Variants in SAMD5 observed in about 807,000 individuals in gnomAD.
The protein encoded by SAMD5 is sterile alpha motif domain-containing protein 5.
SAMD5 carries 13 observed loss-of-function variants against 11.3 expected under a neutral mutation model. The observed-to-expected ratio is 1.15, with a 90% CI of 0.75 to 1.83. SAMD5 has a LOEUF of 1.83. Among genes scored for constraint, SAMD5 ranks in the 40% most tolerant of loss-of-function variants. The probability of loss-of-function intolerance (pLI) is 0.00; values close to 1 mark genes in which losing one functional copy is unlikely to be tolerated. For synonymous variants in SAMD5, 129 were observed against 111.3 expected (o/e 1.16, Z -1.00); for missense variants, 255 against 239.1 (o/e 1.07, Z -0.44).
At chr6:147,622,359 C>A (rs1200517698) in intron 1 of SAMD5, among the ~76,000 whole-genome samples, 13 of 152,028 alleles carry the variant, frequency 8.6e-5, no homozygotes, top group Non-Finnish European at 2.9e-5. Flanking sequence ...TTTTATTTTT[C>A]TATTGTGGTT....
intron 1 of SAMD5, among the ~76,000 whole-genome samples, chr6:147,648,987 C>T (rs1056532702): frequency 6.6e-6 from 1 of 152,154 alleles, no homozygotes; most frequent in Non-Finnish European, 1.5e-5. Context: ...AAGAATTAAT[C>T]GTGGAAGTGC....
chr6:147,635,176 C>G (rs1422625826), intron 1 of SAMD5, among the ~76,000 whole-genome samples: 1 of 152,136 alleles, frequency 6.6e-6, no homozygotes, highest in Non-Finnish European at 1.5e-5. Flanking sequence ...TAGTTCATAA[C>G]TGAGACTTTC....
At chr6:147,717,365 C>T (rs146729454) in intron 1 of SAMD5, among the ~76,000 whole-genome samples, 24 of 152,300 alleles carry the variant, frequency 1.6e-4, no homozygotes, top group Middle Eastern at 3.4e-3. Flanking sequence ...TTGGACAGTT[C>T]TGATTTTTCA....
chr6:147,896,700 T>G, the SAMD5 span, among the ~76,000 whole-genome samples: 4 of 144,886 alleles, frequency 2.8e-5, no homozygotes, highest in Admixed American at 1.4e-4. Flanking sequence ...GGGAGTTTTT[T>G]TAAAAAAATT....
chr6:147,922,169 C>A, the SAMD5 span, among the ~76,000 whole-genome samples: 1 of 152,242 alleles, frequency 6.6e-6, no homozygotes, highest in African/African-American at 2.4e-5. Context: ...GTGTCTCTGT[C>A]ATGGCACTCG....
At chr6:147,745,351 G>A in the SAMD5 span, among the ~76,000 whole-genome samples, 2 of 151,930 alleles carry the variant, frequency 1.3e-5, no homozygotes, top group South Asian at 4.1e-4. Context: ...AAAATTTAAT[G>A]GAAAAAAATG....
chr6:147,904,003 C>A, the SAMD5 span, among the ~76,000 whole-genome samples: 1 of 151,992 alleles, frequency 6.6e-6, no homozygotes, highest in East Asian at 1.9e-4. Flanking sequence ...CCCCAGATTT[C>A]TTTGTCTATG....
At chr6:147,594,235 A>G (rs781636609) in intron 1 of SAMD5, among the ~76,000 whole-genome samples, 1 of 152,178 alleles carries the variant, frequency 6.6e-6, no homozygotes, top group Non-Finnish European at 1.5e-5. Context: ...ATAGCTGAGC[A>G]CTTTGATCCC....
At chr6:147,907,977 A>G in the SAMD5 span, among the ~76,000 whole-genome samples, 9 of 152,288 alleles carry the variant, frequency 5.9e-5, no homozygotes, top group Admixed American at 5.9e-4. Flanking sequence ...CAAAGGTGTA[A>G]CTGAGCTTAG....
chr6:147,802,420 A>C, the SAMD5 span, among the ~76,000 whole-genome samples: 1 of 152,228 alleles, frequency 6.6e-6, no homozygotes, highest in Non-Finnish European at 1.5e-5. Flanking sequence ...AAATTTTTGC[A>C]AGGATGTGGA....
chr6:147,916,223 G>A, the SAMD5 span, among the ~76,000 whole-genome samples: 1 of 152,070 alleles, frequency 6.6e-6, no homozygotes, highest in Non-Finnish European at 1.5e-5. Context: ...ACATGTGCAT[G>A]TGTCTTTATA....
At chr6:147,704,022 A>G (rs1179870890) in intron 1 of SAMD5, among the ~76,000 whole-genome samples, 1 of 152,042 alleles carries the variant, frequency 6.6e-6, no homozygotes, top group African/African-American at 2.4e-5. Context: ...CAGCCTCCTG[A>G]GTAGCTGGGA....
intron 1 of SAMD5, among the ~76,000 whole-genome samples, chr6:147,599,805 T>G (rs1372840127): frequency 1.3e-5 from 2 of 152,210 alleles, no homozygotes; most frequent in African/African-American, 2.4e-5. Context: ...TCTCAGTTAT[T>G]CATGTAAAAG....
At chr6:147,952,906 A>G in the SAMD5 span, among the ~76,000 whole-genome samples, 1 of 152,226 alleles carries the variant, frequency 6.6e-6, no homozygotes, top group South Asian at 2.1e-4. Context: ...TTTTTAATTG[A>G]AAATATTACA....
At chr6:147,537,781 T>G (rs1248657556) in intron 1 of SAMD5, among the ~76,000 whole-genome samples, 1 of 152,116 alleles carries the variant, frequency 6.6e-6, no homozygotes, top group Non-Finnish European at 1.5e-5. Flanking sequence ...AGAAAACCTT[T>G]TCTCTGATAG....
At chr6:147,668,569 C>G (rs1790753814) in intron 1 of SAMD5, among the ~76,000 whole-genome samples, 1 of 152,130 alleles carries the variant, frequency 6.6e-6, no homozygotes. Context: ...TTTGGCTGGG[C>G]GTGGTGGCTC....
chr6:147,944,755 A>G, the SAMD5 span, among the ~76,000 whole-genome samples: 1 of 152,214 alleles, frequency 6.6e-6, no homozygotes, highest in Admixed American at 6.5e-5. Flanking sequence ...ACAGAAATTT[A>G]TTGTCTCATA....
the SAMD5 span, among the ~76,000 whole-genome samples, chr6:147,918,928 A>G: frequency 6.6e-6 from 1 of 152,166 alleles, no homozygotes; most frequent in South Asian, 2.1e-4. Context: ...GATGGTCTCA[A>G]TCTCCTGACC....
In SAMD5 at chr6:147,565,390, G is replaced by A; in HGVS notation, c.*934G>A. 1 of 985,670 alleles carries A rather than the reference G, an allele frequency of 1.0e-6. No individual in the cohort carries two copies. Among genetic ancestry groups the A allele is most frequent in the South Asian group, 4.7e-5 (1 of 21,276 alleles). The allele number at this position is 985,670 out of a possible 1,614,324, so 61.1% of individuals were successfully genotyped here. A position where few individuals can be genotyped will look rare whatever the true frequency, so the allele number is the denominator to read the frequency against. On this transcript the variant is annotated 3_prime_UTR_variant, in exon 2 of 2. Coordinates refer to ENST00000367474, the MANE Select transcript of SAMD5 (RefSeq NM_001030060.3). ...GAAAAAGAAAGTAGATTGAGGTGGG[G>A]GGAGGAAATTAACAGGAATCTAGAG... is the stretch of plus-strand genomic sequence containing the variant.
Sources: gnomAD v4.1 joint callset for allele counts (sites outside exome capture counted in the v4.1 genomes callset) on GRCh38, gnomAD v4.1.1 for gene constraint, MANE v1.5 for transcripts, NCBI Gene and HGNC (gene_info 2026-07-23, HGNC 2026-07-21) for gene names.